Variants in SCN1A observed in about 807,000 individuals in gnomAD.
The protein encoded by SCN1A is sodium channel protein type 1 subunit alpha.
Under a neutral mutation model 193.7 loss-of-function variants are expected in SCN1A, and 13 were observed. That is an observed-to-expected ratio of 0.07 (90% CI 0.04 to 0.11). SCN1A has a LOEUF of 0.11. Ranked by LOEUF, SCN1A falls within the 10% of genes least tolerant of loss-of-function variation. The pLI, the probability that SCN1A is intolerant of heterozygous loss-of-function variation, is 1.00. For synonymous variants in SCN1A, 781 were observed against 843.6 expected, an observed-to-expected ratio of 0.93 and a Z score of 1.29; for missense variants, 1,432 against 2,451.1, an observed-to-expected ratio of 0.58 and a Z score of 8.78.
At chr2:166,019,608 CTCAG>C (rs1360049970) in intron 19 of SCN1A, among the ~76,000 whole-genome samples, 4 of 152,246 alleles carry the variant, frequency 2.6e-5, no homozygotes, top group East Asian at 1.9e-4. Flanking sequence ...TAACTATTTT[CTCAG>C]TCAGATTCCA....
At chr2:166,044,113 T>C in intron 13 of SCN1A, 64 bp from the exon 14 acceptor site, 1 of 1,563,334 alleles carries the variant, frequency 6.4e-7, no homozygotes, top group South Asian at 1.1e-5. Flanking sequence ...TGTGATTTCA[T>C]TTTGCAAGAT....
intron 18 of SCN1A, 63 bp from the exon 19 acceptor site, chr2:166,036,593 C>T (rs1216883749): frequency 3.3e-6 from 5 of 1,523,456 alleles, no homozygotes; most frequent in Non-Finnish European, 4.5e-6. Context: ...AGATTACAAT[C>T]ACTTATTCTT....
chr2:166,087,935 G>A (rs1686322610), intron 2 of SCN1A, among the ~76,000 whole-genome samples: 1 of 152,068 alleles, frequency 6.6e-6, no homozygotes, highest in African/African-American at 2.4e-5. Context: ...TGGAAATTTA[G>A]GTATTCCTGA....
intron 25 of SCN1A, among the ~76,000 whole-genome samples, chr2:165,998,735 T>A (rs1232879957): frequency 9.0e-6 from 1 of 111,298 alleles, no homozygotes; most frequent in African/African-American, 4.1e-5. Context: ...CTATTACTTA[T>A]AATTTAGTAA....
chr2:166,141,189 C>T (rs1217712073), intron 1 of SCN1A, among the ~76,000 whole-genome samples: 2 of 152,022 alleles, frequency 1.3e-5, no homozygotes, highest in Non-Finnish European at 1.5e-5. Flanking sequence ...CAAGCAAACC[C>T]AATCTACTCT....
At chr2:166,074,564 G>GT (rs1684808487) in intron 3 of SCN1A, among the ~76,000 whole-genome samples, 1 of 152,106 alleles carries the variant, frequency 6.6e-6, no homozygotes, top group Admixed American at 6.5e-5. Context: ...AGGCAAAACC[G>GT]TCAACCCCAT....
intron 19 of SCN1A, among the ~76,000 whole-genome samples, chr2:166,028,969 G>A (rs1338532264): frequency 6.6e-6 from 1 of 152,172 alleles, no homozygotes; most frequent in Non-Finnish European, 1.5e-5. Context: ...CAAGAAGGAT[G>A]TGGTGGGTGA....
upstream of SCN1A, among the ~76,000 whole-genome samples, chr2:166,129,327 C>T (rs1298391705): frequency 6.6e-6 from 1 of 152,162 alleles, no homozygotes; most frequent in African/African-American, 2.4e-5. Flanking sequence ...GTTCTAGAAT[C>T]ACAGAAAAGT....
rs959739110 is a variant in SCN1A, at chr2:165,991,412, T to C, written c.5863A>G (p.Ile1955Val). 6.2e-7 allele frequency: 1 copy of C among 1,613,706 alleles called. No individual in the cohort carries two copies. The highest frequency in any genetic ancestry group is 8.5e-7 in the Non-Finnish European group (1 of 1,179,764). ...NKIKGGANLL[I>V]KEDMIIDRIN... ...CTGTCAATTATCATGTCTTCTTTTA[T>C]AAGAAGATTAGCCCCACCTTTGATT... Residue 1955 changes from isoleucine (I) to valine (V), a missense_variant, in exon 29 of 29, where the codon ATA becomes GTA. Physicochemically the swap from Ile to Val is conservative, Grantham distance 29. Around this residue, in one of 18 missense-constraint regions of SCN1A, gnomAD observed 148 missense variants for 160.3 expected, o/e 0.92. Transcript: ENST00000674923.
At chr2:166,050,749 G>C (rs1452625305) in intron 9 of SCN1A, among the ~76,000 whole-genome samples, 2 of 149,230 alleles carry the variant, frequency 1.3e-5, no homozygotes, top group Non-Finnish European at 3.0e-5. Flanking sequence ...AAAGTGCTAG[G>C]ATTATAGGTG....
At chr2:166,061,438 GA>G (rs1683294515) in intron 4 of SCN1A, among the ~76,000 whole-genome samples, 1 of 152,102 alleles carries the variant, frequency 6.6e-6, no homozygotes, top group Admixed American at 6.5e-5. Context: ...GGGACAGAGA[GA>G]AATCTGTTAA....
intron 19 of SCN1A, among the ~76,000 whole-genome samples, chr2:166,025,041 C>T (rs2105714393): frequency 6.6e-6 from 1 of 152,292 alleles, no homozygotes; most frequent in South Asian, 2.1e-4. Context: ...GTTTTCCTAA[C>T]AAGGATTATT....
intron 3 of SCN1A, among the ~76,000 whole-genome samples, chr2:166,076,134 A>G (rs367804255): frequency 6.6e-6 from 1 of 151,908 alleles, no homozygotes; most frequent in South Asian, 2.1e-4. Context: ...AAAAGATTTA[A>G]TTAAAAATGT....
chr2:165,995,986 T>C (rs1689977722), intron 27 of SCN1A, 27 bp downstream of exon 27: 4 of 1,417,652 alleles, frequency 2.8e-6, no homozygotes, highest in Non-Finnish European at 3.0e-6. Context: ...TTTGTATTTT[T>C]CCCCCATATC....
At chr2:166,100,498 A>G (rs371934575) in intron 2 of SCN1A, among the ~76,000 whole-genome samples, 1 of 151,618 alleles carries the variant, frequency 6.6e-6, no homozygotes, top group South Asian at 2.1e-4. Flanking sequence ...GCAACAAAAG[A>G]CAAAATTGAC....
chr2:166,086,195 T>C (rs1307081393), intron 2 of SCN1A, among the ~76,000 whole-genome samples: 2 of 152,010 alleles, frequency 1.3e-5, no homozygotes, highest in Non-Finnish European at 2.9e-5. Flanking sequence ...ACTATGAGGC[T>C]TTCTTCCCTA....
In SCN1A at chr2:165,991,509, A is replaced by G. The variant is rs587781149; in HGVS notation, c.5766T>C (p.Ile1922=). 73 of 1,613,842 alleles carry G rather than the reference A, an allele frequency of 4.5e-5. No individual in the cohort carries two copies. The highest frequency in any genetic ancestry group is 5.9e-5 in the Non-Finnish European group (70 of 1,179,924). Residue 1922 remains isoleucine (I), a synonymous_variant, in exon 29 of 29, where the codon ATT becomes ATC. Coordinates refer to ENST00000674923, the MANE Select transcript of SCN1A (RefSeq NM_001165963.4). ...AAAGGTGGCGTCTGTAAGCACGCTG[A>G]ATAATGACAGCAGATACTTCCTCTT... ...RKQEEVSAVI[I]QRAYRRHLLK... is the part of the protein sequence containing the mutation.
intron 2 of SCN1A, among the ~76,000 whole-genome samples, chr2:166,105,702 T>G (rs1425298126): frequency 7.2e-5 from 11 of 152,236 alleles, no homozygotes. Flanking sequence ...ATATCCAATA[T>G]TCACTAGTGA....
rs114635439 is a variant in SCN1A at position 166,093,843 on chromosome 2, A to G, written c.-141-16042T>C. Among the ~76,000 whole-genome samples, 832 of 152,364 alleles carry G rather than the reference A, an allele frequency of 5.5e-3. 11 individuals are homozygous for G. The highest frequency in any genetic ancestry group is 0.013 in the African/African-American group (539 of 41,590). On this transcript the variant is annotated intron_variant, in intron 2 of 28. Coordinates refer to ENST00000674923, the MANE Select transcript of SCN1A (RefSeq NM_001165963.4). ...AGTTAATAAAGTGATGACCATTGTC[A>G]GACAGTTTGGAGGAAGTTTGAGATT...
Sources: gnomAD v4.1 joint callset for allele counts (sites outside exome capture counted in the v4.1 genomes callset) on GRCh38, gnomAD v4.1.1 for gene constraint, gnomAD v4.1.1 regional missense constraint, MANE v1.5 for transcripts, NCBI Gene and HGNC (gene_info 2026-07-23, HGNC 2026-07-21) for gene names.